The following UGT2B4 variants were observed in gnomAD, a reference collection of about 807,000 sequenced individuals.
UGT2B4 encodes UDP-glucuronosyltransferase 2B4.
In UGT2B4, 49 loss-of-function variants were observed where a neutral mutation model predicts 49.8. The observed-to-expected ratio is 0.98, with a 90% CI of 0.78 to 1.25. UGT2B4 has a LOEUF of 1.25. UGT2B4 is among the 50% of genes most tolerant of loss of function. The pLI, the probability that UGT2B4 is intolerant of heterozygous loss-of-function variation, is 0.00. For synonymous variants in UGT2B4, 246 were observed against 217.7 expected, an observed-to-expected ratio of 1.13 and a Z score of -1.14; for missense variants, 729 against 627.7, an observed-to-expected ratio of 1.16 and a Z score of -1.73.
At chr4:69,499,983 A>G (rs557037510), upstream of UGT2B4, among the ~76,000 whole-genome samples, 44 of 152,358 alleles carry the variant, frequency 2.9e-4, no homozygotes, top group Non-Finnish European at 3.1e-4. Flanking sequence ...TAGCAAAGAG[A>G]TAGAATCAAC....
At chr4:69,500,169 T>C (rs569079128), upstream of UGT2B4, among the ~76,000 whole-genome samples, 4 of 152,264 alleles carry the variant, frequency 2.6e-5, no homozygotes, top group Admixed American at 6.5e-5. Context: ...ACCACATGTT[T>C]TCACTTATAA....
intron 1 of UGT2B4, among the ~76,000 whole-genome samples, chr4:69,507,937 G>C (rs1728516813): frequency 6.6e-6 from 1 of 152,178 alleles, no homozygotes; most frequent in Non-Finnish European, 1.5e-5. Flanking sequence ...CAGAGTGGAA[G>C]ACTTTTTTGT....
chr4:69,513,301 T>A (rs1728652473), intron 1 of UGT2B4, among the ~76,000 whole-genome samples: 1 of 152,208 alleles, frequency 6.6e-6, no homozygotes, highest in Non-Finnish European at 1.5e-5. Context: ...TTTCTGCATA[T>A]GGCTAGCCAG....
upstream of UGT2B4, among the ~76,000 whole-genome samples, chr4:69,497,275 C>A (rs2109816694): frequency 6.6e-6 from 1 of 152,286 alleles, no homozygotes; most frequent in East Asian, 1.9e-4. Flanking sequence ...TTTCCAACTC[C>A]TACTGATTTT....
chr4:69,518,038 T>C (rs2109832500), intron 1 of UGT2B4: 1 of 152,422 alleles, frequency 6.6e-6, no homozygotes, highest in African/African-American at 2.4e-5. Context: ...TTTAAAAATT[T>C]CTCTAGATTC....
chr4:69,500,032 T>C (rs1728260104), upstream of UGT2B4, among the ~76,000 whole-genome samples: 1 of 152,190 alleles, frequency 6.6e-6, no homozygotes, highest in African/African-American at 2.4e-5. Flanking sequence ...AAAGAAAATG[T>C]GGTACATATA....
chr4:69,495,916 A>T, upstream of UGT2B4: 1 of 1,534,982 alleles, frequency 6.5e-7, no homozygotes, highest in South Asian at 1.3e-5. Context: ...GTCATTTCTC[A>T]TGGTGACATC....
chr4:69,501,447 G>A (rs1728316649), intron 1 of UGT2B4, among the ~76,000 whole-genome samples: 1 of 152,170 alleles, frequency 6.6e-6, no homozygotes. Context: ...CGCAAGAGGT[G>A]TGGGCTGCCA....
chr4:69,499,055 A>G (rs563076252), upstream of UGT2B4, among the ~76,000 whole-genome samples: 11 of 152,148 alleles, frequency 7.2e-5, no homozygotes, highest in African/African-American at 2.4e-4. Flanking sequence ...AGATTCTGTT[A>G]TATTGTCTTT....
chr4:69,490,737 G>A lies in UGT2B4; in HGVS notation c.871-1167C>T, dbSNP rs578208945. 2.6e-5 allele frequency among the ~76,000 whole-genome samples: 4 copies of A among 152,242 alleles called. No homozygotes were observed. The South Asian group carries it at 8.3e-4, about 32-fold the overall frequency. ...TATGATTTTTAATCTTAAGACATCA[G>A]TGTTAATGATGTTAGAGTCATTGTT... On this transcript the variant is annotated intron_variant, in intron 2 of 5. Transcript: ENST00000305107.
In UGT2B4 at chr4:69,495,363, G is replaced by T. The variant is rs1406670861; in HGVS notation, c.499C>A (p.Pro167Thr). Residue 167 changes from proline to threonine, a missense_variant, in exon 1 of 6, where the codon CCC (proline) becomes ACC (threonine). Pro to Thr is a conservative substitution (Grantham distance 38, BLOSUM62 -1). Transcript: ENST00000305107. ...GAGAAGCGGAGGCTGTAGACAAAGGGTATTTTAAGTAACTCGGCCAGCAGC... is the reference window on the plus strand; with the variant it reads ...GAGAAGCGGAGGCTGTAGACAAAGGTTATTTTAAGTAACTCGGCCAGCAGC... ...GELLAELLKI[P>T]FVYSLRFSPG... is the part of the protein sequence containing the mutation. 5 of 1,613,904 alleles carry T rather than the reference G, an allele frequency of 3.1e-6. No homozygotes were observed. The South Asian group carries it at 4.4e-5, about 14-fold the overall frequency.
chr4:69,484,672 G>C (rs187209258), intron 5 of UGT2B4, among the ~76,000 whole-genome samples: 18 of 152,222 alleles, frequency 1.2e-4, no homozygotes, highest in Non-Finnish European at 1.3e-4. Flanking sequence ...CTTCTTTTAC[G>C]TTGATACAAA....
intron 1 of UGT2B4, among the ~76,000 whole-genome samples, chr4:69,524,446 T>C (rs1287441561): frequency 1.3e-5 from 2 of 151,834 alleles, no homozygotes; most frequent in Non-Finnish European, 2.9e-5. Context: ...GGGCACTCAG[T>C]AGACAAATAA....
intron 5 of UGT2B4, among the ~76,000 whole-genome samples, chr4:69,482,041 C>T (rs572470702): frequency 6.6e-6 from 1 of 152,308 alleles, no homozygotes; most frequent in African/African-American, 2.4e-5. Context: ...TCTCCACTTT[C>T]CCATGCACAC....
At chr4:69,524,457 T>C (rs35311506) in intron 1 of UGT2B4, among the ~76,000 whole-genome samples, 53,309 of 151,538 alleles carry the variant, frequency 0.35, 9,466 homozygotes, top group Non-Finnish European at 0.37. Flanking sequence ...AGACAAATAA[T>C]ATGTAATAAG....
intron 1 of UGT2B4, among the ~76,000 whole-genome samples, chr4:69,507,533 CCAAA>C (rs758896628): frequency 6.6e-6 from 1 of 151,878 alleles, no homozygotes; most frequent in African/African-American, 2.4e-5. Context: ...AAATAACCAA[CCAAA>C]CAAACAAACA....
chr4:69,514,331 A>G (rs1472449171), intron 1 of UGT2B4, among the ~76,000 whole-genome samples: 3 of 151,932 alleles, frequency 2.0e-5, no homozygotes. Flanking sequence ...GAGTGAGAGC[A>G]TGCGGTGTTT....
At position 69,495,799 on chromosome 4, in the gene UGT2B4, C is replaced by A; in HGVS notation, c.63G>T (p.Gly21=). Residue 21 remains glycine, a synonymous_variant, in exon 1 of 6, where the codon GGG becomes GGT. Transcript: ENST00000305107. ...GCCACACCAGCACCTTTCCACAACT[C>A]CCAGAGCTAAAGTAACAGCTCAGCT... The part of the protein sequence containing the change: ...LIQLSCYFSS[G]SCGKVLVWPT... The A allele has an allele frequency of 6.2e-7, 1 of 1,613,490 alleles. No individual in the cohort carries two copies. Among genetic ancestry groups the A allele is most frequent in the Non-Finnish European group, 8.5e-7 (1 of 1,179,770 alleles).
intron 1 of UGT2B4, chr4:69,518,350 A>G (rs1728779781): frequency 6.6e-6 from 1 of 152,240 alleles, no homozygotes; most frequent in South Asian, 2.1e-4. Flanking sequence ...CACAGCCAGC[A>G]CAGCAGAGCT....
Sources: allele counts gnomAD v4.1 joint callset (sites outside exome capture counted in the v4.1 genomes callset), GRCh38; gene constraint gnomAD v4.1.1; transcripts MANE v1.5; gene names NCBI Gene and HGNC (gene_info 2026-07-23, HGNC 2026-07-21).